POU6F2: variants seen among roughly 807,000 people sequenced by gnomAD.
POU6F2 encodes the protein POU class 6 homeobox 2.
POU6F2 carries 31 observed loss-of-function variants against 71.3 expected under a neutral mutation model. That is an observed-to-expected ratio of 0.43 (90% CI 0.33 to 0.59). POU6F2 has a LOEUF of 0.59. Among genes scored for constraint, POU6F2 ranks in the 20% least tolerant of loss-of-function variants. The probability of loss-of-function intolerance (pLI) is 0.04; values close to 1 mark genes in which losing one functional copy is unlikely to be tolerated. For missense variants in POU6F2, 783 were observed against 856.8 expected (o/e 0.91, Z 1.07); for synonymous variants, 347 against 355.7 (o/e 0.98, Z 0.27).
At chr7:39,258,670 G>T (rs1269948519) in intron 4 of POU6F2, among the ~76,000 whole-genome samples, 1 of 150,326 alleles carries the variant, frequency 6.7e-6, no homozygotes, top group Non-Finnish European at 1.5e-5. Context: ...ATTGTTTTCT[G>T]TCTGCTTTTT....
intron 2 of POU6F2, among the ~76,000 whole-genome samples, chr7:39,185,839 GTATATGTATATGTATGTGTATATA>G (rs1562738009): frequency 1.3e-4 from 14 of 109,676 alleles, no homozygotes; most frequent in Middle Eastern, 4.3e-3. Context: ...ATATGTATAT[GTATATGTATATGTATGTGTATATA>G]TGTATATATG....
chr7:39,433,211 C>G lies in POU6F2; in HGVS notation c.1248C>G (p.Val416=), dbSNP rs987696571. 43 of 1,613,440 alleles carry G rather than the reference C, an allele frequency of 2.7e-5. No homozygotes were observed. Among genetic ancestry groups the G allele is most frequent in the Non-Finnish European group, 3.3e-5 (39 of 1,179,800 alleles). The change falls in exon 7 of 10, where the codon GTC becomes GTG. Residue 416 remains valine, a synonymous_variant. Transcript: ENST00000518318. ...CCCAGGGCCAGATCATCGCCACAGT[C>G]ATTGGGAACCAGATCCTGCCCGTGA... is the stretch of plus-strand genomic sequence containing the variant. ...TNAQGQIIAT[V]IGNQILPVIN...
intron 4 of POU6F2, among the ~76,000 whole-genome samples, chr7:39,254,892 A>C (rs571314955): frequency 3.0e-4 from 45 of 152,324 alleles, no homozygotes; most frequent in Middle Eastern, 3.4e-3. Flanking sequence ...CGTACACAAC[A>C]CAAGTGTTTC....
intron 2 of POU6F2, among the ~76,000 whole-genome samples, chr7:39,157,664 C>T (rs1042229434): frequency 2.6e-5 from 4 of 152,208 alleles, no homozygotes; most frequent in African/African-American, 9.6e-5. Context: ...TTGTTGCATG[C>T]AATGCATGTT....
rs1789080880 is a variant in POU6F2, at chr7:39,006,673, T to C, written c.105+28615T>C. 25 of 639,952 alleles carry C rather than the reference T, an allele frequency of 3.9e-5. No homozygotes were observed. The South Asian group carries it at 4.7e-4, about 12-fold the overall frequency. 39.6% of individuals were successfully genotyped at this position (639,952 alleles called of 1,614,324 possible). On this transcript the variant is annotated intron_variant, in intron 1 of 9. Transcript: ENST00000518318. ...GTTGTTTAGTGTTCTGTCTGCCAAG[T>C]CCTGTAAAAAGCATGTGTGTCATTT...
intron 6 of POU6F2, among the ~76,000 whole-genome samples, chr7:39,412,405 C>G (rs936459870): frequency 6.6e-6 from 1 of 152,166 alleles, no homozygotes; most frequent in African/African-American, 2.4e-5. Flanking sequence ...ATGCAAATCT[C>G]AGCCAAAGGA....
chr7:39,069,984 G>T (rs1790841083), intron 1 of POU6F2, among the ~76,000 whole-genome samples: 1 of 152,082 alleles, frequency 6.6e-6, no homozygotes, highest in Admixed American at 6.5e-5. Flanking sequence ...AGACTGCGCT[G>T]GGAGCTAGTC....
At chr7:39,274,435 G>A (rs1366914446) in intron 4 of POU6F2, among the ~76,000 whole-genome samples, 2 of 141,524 alleles carry the variant, frequency 1.4e-5, no homozygotes, top group Non-Finnish European at 3.1e-5. Context: ...AAGAGTCCAG[G>A]ACCAGATGGA....
intron 4 of POU6F2, among the ~76,000 whole-genome samples, chr7:39,284,609 C>T (rs1432042399): frequency 3.9e-5 from 6 of 152,240 alleles, no homozygotes; most frequent in South Asian, 2.1e-4. Flanking sequence ...GTAATATTGC[C>T]TTCTGAGTGG....
intron 4 of POU6F2, among the ~76,000 whole-genome samples, chr7:39,222,628 C>G (rs1794392131): frequency 6.6e-6 from 1 of 152,204 alleles, no homozygotes; most frequent in Admixed American, 6.5e-5. Context: ...TTTGACCACT[C>G]TGGGTACCTC....
intron 1 of POU6F2, among the ~76,000 whole-genome samples, chr7:39,003,673 T>A (rs1437077589): frequency 6.6e-6 from 1 of 150,962 alleles, no homozygotes; most frequent in Non-Finnish European, 1.5e-5. Context: ...GGTGTGAACC[T>A]GGGAGGCAGA....
At chr7:38,983,315 T>A (rs1203550984) in intron 1 of POU6F2, among the ~76,000 whole-genome samples, 1 of 152,058 alleles carries the variant, frequency 6.6e-6, no homozygotes, top group African/African-American at 2.4e-5. Flanking sequence ...ATCTCAAACC[T>A]GGATTTATGT....
chr7:38,980,001 T>G (rs1303012718), intron 1 of POU6F2, among the ~76,000 whole-genome samples: 1 of 152,208 alleles, frequency 6.6e-6, no homozygotes, highest in African/African-American at 2.4e-5. Context: ...TTTTTACAGA[T>G]AGTAGGCTTA....
chr7:39,059,170 A>G (rs972457629), intron 1 of POU6F2, among the ~76,000 whole-genome samples: 5 of 152,172 alleles, frequency 3.3e-5, no homozygotes, highest in Admixed American at 3.3e-4. Context: ...GGTGTGCCCT[A>G]TCAGCTCACG....
At chr7:39,407,914 T>C (rs188843598) in intron 6 of POU6F2, among the ~76,000 whole-genome samples, 127 of 152,332 alleles carry the variant, frequency 8.3e-4, no homozygotes, top group African/African-American at 2.7e-3. Flanking sequence ...AATCATCTTA[T>C]CACAGGTGCA....
Position 39,031,501 on chromosome 7 carries a change from C to T in POU6F2, c.105+53443C>T, listed in dbSNP as rs79347554. On this transcript the variant is annotated intron_variant, in intron 1 of 9. Transcript: ENST00000518318. ...CAAAACACCTACTCTATATTTCTAT[C>T]CATCAGTATTTTATTTACCCACCAG... is the stretch of plus-strand genomic sequence containing the variant. Among the ~76,000 whole-genome samples the T allele has an allele frequency of 4.6e-3, 697 of 152,232 alleles. 8 individuals are homozygous for T. The highest frequency in any genetic ancestry group is 0.016 in the African/African-American group (660 of 41,554).
intron 5 of POU6F2, among the ~76,000 whole-genome samples, chr7:39,397,814 G>GTATATATATATA (rs150006644): frequency 0.018 from 2,276 of 128,338 alleles, 50 homozygotes; most frequent in African/African-American, 0.043. Context: ...TATATTTTGT[G>GTATATATATATA]TATATATATA....
chr7:39,117,123 A>G (rs1433570641), intron 2 of POU6F2, among the ~76,000 whole-genome samples: 1 of 152,198 alleles, frequency 6.6e-6, no homozygotes, highest in Non-Finnish European at 1.5e-5. Flanking sequence ...TGAATTCAGC[A>G]ATGCATACCC....
At chr7:39,327,365 G>A (rs1377758962) in intron 4 of POU6F2, among the ~76,000 whole-genome samples, 1 of 151,854 alleles carries the variant, frequency 6.6e-6, no homozygotes, top group Non-Finnish European at 1.5e-5. Context: ...TATCAGTCAA[G>A]GATGTTTATT....
Sources: allele counts gnomAD v4.1 joint callset (sites outside exome capture counted in the v4.1 genomes callset), GRCh38; gene constraint gnomAD v4.1.1; transcripts MANE v1.5; gene names NCBI Gene and HGNC (gene_info 2026-07-23, HGNC 2026-07-21).